PACRG: variants seen among roughly 807,000 people sequenced by gnomAD.
PACRG encodes the protein parkin coregulated.
In PACRG, 29 loss-of-function variants were observed where a neutral mutation model predicts 29.7. The observed-to-expected ratio is 0.98, with a 90% CI of 0.73 to 1.33. The LOEUF (loss-of-function observed/expected upper bound fraction) is 1.33. Among genes scored for constraint, PACRG ranks in the 40% most tolerant of loss-of-function variants. The probability of loss-of-function intolerance (pLI) is 0.00; values close to 1 mark genes in which losing one functional copy is unlikely to be tolerated. For synonymous variants in PACRG, 116 were observed against 118.7 expected, an observed-to-expected ratio of 0.98 and a Z score of 0.15; for missense variants, 279 against 316.2, an observed-to-expected ratio of 0.88 and a Z score of 0.89.
chr6:162,857,304 G>A (rs1203834205), intron 2 of PACRG, among the ~76,000 whole-genome samples: 3 of 152,146 alleles, frequency 2.0e-5, no homozygotes, highest in African/African-American at 7.2e-5. Flanking sequence ...GCCCTCCCGT[G>A]TCACTTAAGA....
chr6:162,776,811 C>T (rs1007243202), intron 1 of PACRG, among the ~76,000 whole-genome samples: 3 of 152,158 alleles, frequency 2.0e-5, no homozygotes, highest in South Asian at 4.1e-4. Context: ...GTAACTGACC[C>T]GCTAAGTACT....
At chr6:162,883,509 T>C (rs1183879908) in intron 2 of PACRG, among the ~76,000 whole-genome samples, 5 of 152,238 alleles carry the variant, frequency 3.3e-5, no homozygotes, top group Non-Finnish European at 7.3e-5. Flanking sequence ...GTGTTCACAA[T>C]GTTAACAAGT....
At chr6:163,258,495 C>T (rs1307171396) in intron 4 of PACRG, among the ~76,000 whole-genome samples, 1 of 152,128 alleles carries the variant, frequency 6.6e-6, no homozygotes, top group Non-Finnish European at 1.5e-5. Flanking sequence ...CAGTGGCTCA[C>T]GCCTATAATC....
At chr6:162,900,331 T>C (rs1795471542) in intron 2 of PACRG, among the ~76,000 whole-genome samples, 6 of 152,120 alleles carry the variant, frequency 3.9e-5, no homozygotes, top group Admixed American at 6.5e-5. Context: ...AAACTTTCCA[T>C]ATCCGTCCCC....
chr6:163,184,087 A>G (rs1779800965), intron 4 of PACRG, among the ~76,000 whole-genome samples: 1 of 152,200 alleles, frequency 6.6e-6, no homozygotes, highest in Non-Finnish European at 1.5e-5. Context: ...ATTCTTATTG[A>G]ACTTCAGCCA....
At chr6:162,818,930 C>T (rs1187967826) in intron 2 of PACRG, among the ~76,000 whole-genome samples, 1 of 152,108 alleles carries the variant, frequency 6.6e-6, no homozygotes, top group East Asian at 1.9e-4. Flanking sequence ...AACAAAATCA[C>T]AAACCTCTCA....
chr6:162,876,674 A>T (rs1295025010), intron 2 of PACRG, among the ~76,000 whole-genome samples: 1 of 152,114 alleles, frequency 6.6e-6, no homozygotes, highest in Non-Finnish European at 1.5e-5. Flanking sequence ...GTTCACTCTG[A>T]TGATAGTTTC....
chr6:162,960,667 C>T (rs1800534727), intron 2 of PACRG, among the ~76,000 whole-genome samples: 1 of 152,168 alleles, frequency 6.6e-6, no homozygotes, highest in African/African-American at 2.4e-5. Context: ...ATGTTCACTA[C>T]CTGGATGCAA....
chr6:162,994,831 T>G (rs1803816900), intron 2 of PACRG, among the ~76,000 whole-genome samples: 1 of 151,200 alleles, frequency 6.6e-6, no homozygotes, highest in Admixed American at 6.6e-5. Context: ...GTTTTAGAGT[T>G]TCCCGTTTTT....
rs1461467744 is a variant in PACRG, at chr6:163,269,988, AAAGAAAGAAAGAAAGAAAGG to A, written c.614-44837_614-44818del. Among the ~76,000 whole-genome samples the A allele has an allele frequency of 9.7e-4, 112 of 115,836 alleles. 19 individuals are homozygous for A. Among genetic ancestry groups the A allele is most frequent in the Middle Eastern group, 4.3e-3 (1 of 232 alleles). 76.0% of individuals were successfully genotyped at this position (115,836 alleles called of 152,430 possible). A position where few individuals can be genotyped will look rare whatever the true frequency, so the allele number is the denominator to read the frequency against. On this transcript the variant is annotated intron_variant, in intron 4 of 4. Transcript: ENST00000366888. ...GAAAGAAAGAAAGAAAGAAAGAAAG[AAAGAAAGAAAGAAAGAAAGG>A]AGGGAGGGAGGGAGGGAGGAAGGAA...
intron 4 of PACRG, among the ~76,000 whole-genome samples, chr6:163,219,490 T>G (rs1449096514): frequency 6.6e-6 from 1 of 152,236 alleles, no homozygotes; most frequent in Non-Finnish European, 1.5e-5. Context: ...CTGCTTTCTA[T>G]GCAAAAGAGT....
chr6:163,230,581 C>T (rs78027767), intron 4 of PACRG, among the ~76,000 whole-genome samples: 3,817 of 152,170 alleles, frequency 0.025, 165 homozygotes, highest in African/African-American at 0.087. Context: ...AATGGAAAAA[C>T]ATATATAACT....
chr6:163,160,875 A>T (rs1186279813), intron 4 of PACRG, among the ~76,000 whole-genome samples: 2 of 152,126 alleles, frequency 1.3e-5, no homozygotes, highest in Non-Finnish European at 2.9e-5. Flanking sequence ...TTTCCCCCTC[A>T]GCTACCATAT....
chr6:162,796,938 G>A (rs1324660973), intron 1 of PACRG, among the ~76,000 whole-genome samples: 4 of 152,186 alleles, frequency 2.6e-5, no homozygotes, highest in African/African-American at 7.2e-5. Context: ...GTTTCCTCAA[G>A]AGTGGTTCAT....
intron 4 of PACRG, among the ~76,000 whole-genome samples, chr6:163,171,739 A>G (rs879233995): frequency 3.3e-5 from 5 of 152,238 alleles, no homozygotes; most frequent in Admixed American, 3.3e-4. Flanking sequence ...AAAGAGGAGA[A>G]GAAACACAGA....
At chr6:162,810,737 C>T (rs1216809392) in intron 1 of PACRG, among the ~76,000 whole-genome samples, 1 of 152,094 alleles carries the variant, frequency 6.6e-6, no homozygotes, top group African/African-American at 2.4e-5. Context: ...GTAGAAGTTA[C>T]CCAATATGAA....
rs554621857 is a variant in PACRG, at chr6:162,801,292, A to G, written c.157-12855A>G. Among the ~76,000 whole-genome samples the G allele has an allele frequency of 4.6e-5, 7 of 152,124 alleles. No homozygotes were observed. In the East Asian group the frequency reaches 1.4e-3, roughly 30 times the overall value. On this transcript the variant is annotated intron_variant, in intron 1 of 4. Transcript: ENST00000366888. ...CCCGGCTAATTTTTGTATTTTTAGT[A>G]GACATGGGGTTTCACCATGTTGGCC... is the stretch of plus-strand genomic sequence containing the variant.
intron 4 of PACRG, among the ~76,000 whole-genome samples, chr6:163,112,606 T>A (rs1442483682): frequency 6.6e-6 from 1 of 152,154 alleles, no homozygotes; most frequent in Non-Finnish European, 1.5e-5. Flanking sequence ...AAACCAGGCA[T>A]TTAAAAGCAA....
chr6:162,782,278 T>G (rs1467145437), intron 1 of PACRG, among the ~76,000 whole-genome samples: 1 of 151,898 alleles, frequency 6.6e-6, no homozygotes, highest in South Asian at 2.1e-4. Context: ...TCCACAATGA[T>G]AGAGATTTCA....
Sources: gnomAD v4.1 joint callset for allele counts (sites outside exome capture counted in the v4.1 genomes callset) on GRCh38, gnomAD v4.1.1 for gene constraint, MANE v1.5 for transcripts, NCBI Gene and HGNC (gene_info 2026-07-23, HGNC 2026-07-21) for gene names.